POLA1: variants seen among roughly 807,000 people sequenced by gnomAD.
POLA1 encodes the protein DNA polymerase alpha catalytic subunit.
Under a neutral mutation model 124.0 loss-of-function variants are expected in POLA1, and 15 were observed. The ratio of observed to expected loss-of-function variants is 0.12; its 90% CI spans 0.08 to 0.19. The LOEUF is 0.19. Ranked by LOEUF, POLA1 falls within the 10% of genes least tolerant of loss-of-function variation. The pLI, the probability that POLA1 is intolerant of heterozygous loss-of-function variation, is 1.00. For synonymous variants in POLA1, 408 were observed against 389.4 expected, an observed-to-expected ratio of 1.05 and a Z score of -0.56; for missense variants, 886 against 1,103.4, an observed-to-expected ratio of 0.80 and a Z score of 2.79.
chrX:24,762,354 T>C (rs960996684), intron 26 of POLA1, among the ~76,000 whole-genome samples: 3 of 112,072 alleles, frequency 2.7e-5, no homozygotes, highest in Non-Finnish European at 5.6e-5. Context: ...AAATGGTCAA[T>C]GAATAATTAT....
At chrX:24,897,365 C>G (rs1419999045) in intron 35 of POLA1, among the ~76,000 whole-genome samples, 2 of 99,738 alleles carry the variant, frequency 2.0e-5, no homozygotes, top group African/African-American at 7.3e-5. Context: ...CTGCCCCCCC[C>G]CCCACCAACC....
chrX:24,724,297 CT>C (rs746477236), intron 11 of POLA1, 37 bp from the exon 12 acceptor site: 32 of 688,596 alleles, frequency 4.6e-5, no homozygotes, highest in Admixed American at 1.2e-4. Context: ...TGTACAGATA[CT>C]TTTTTTTCCC....
At position 24,896,308 on chromosome X, in the gene POLA1, T is replaced by C. The variant is rs781085747; in HGVS notation, c.4164+8186T>C. ...ATGATGCAGCCCCCAAAGTCAATAA[T>C]GTCAAGGTTGAGAAACTTTGGACTA... On this transcript the variant is annotated intron_variant, in intron 35 of 36. Coordinates refer to ENST00000379068, the MANE Select transcript of POLA1 (RefSeq NM_001330360.2). Among the ~76,000 whole-genome samples the C allele has an allele frequency of 2.7e-5, 3 of 111,839 alleles. No homozygotes were observed. The South Asian group carries it at 1.1e-3, about 42-fold the overall frequency.
intron 23 of POLA1, among the ~76,000 whole-genome samples, chrX:24,744,997 T>A (rs1931912650): frequency 1.5e-5 from 1 of 66,500 alleles, no homozygotes. Context: ...TGGTTTTATT[T>A]GGGGTGGGGG....
At chrX:24,860,698 C>A (rs1289122011) in intron 34 of POLA1, among the ~76,000 whole-genome samples, 2 of 112,587 alleles carry the variant, frequency 1.8e-5, no homozygotes, top group Non-Finnish European at 3.8e-5. Flanking sequence ...TTCTTTTTGT[C>A]AGACCATCAC....
In POLA1 at chrX:24,814,486, T is replaced by A. The variant is rs754487513; in HGVS notation, c.3297-493T>A. Reference sequence around the variant, plus strand: ...AGAAAAGTTTGAAATCTTTGTTTTTTAAAAAAATTTATGTAAAGGACTTCA... The same window carrying A: ...AGAAAAGTTTGAAATCTTTGTTTTTAAAAAAAATTTATGTAAAGGACTTCA... On this transcript the variant is annotated intron_variant, in intron 29 of 36. Coordinates refer to ENST00000379068, the MANE Select transcript of POLA1 (RefSeq NM_001330360.2). 2.0e-4 allele frequency among the ~76,000 whole-genome samples: 22 copies of A among 112,009 alleles called. No individual in the cohort carries two copies. The East Asian group carries it at 2.5e-3, about 13-fold the overall frequency.
Position 24,804,138 on chromosome X carries a change from G to C in POLA1, c.2965-5760G>C, listed in dbSNP as rs189596524. Among the ~76,000 whole-genome samples, 6 of 110,454 alleles carry C rather than the reference G, an allele frequency of 5.4e-5. No homozygotes were observed. The South Asian group carries it at 1.5e-3, about 28-fold the overall frequency. On this transcript the variant is annotated intron_variant, in intron 26 of 36. Coordinates refer to ENST00000379068, the MANE Select transcript of POLA1 (RefSeq NM_001330360.2). ...TATCACAGAAGTGTTAAGTAGTGAA[G>C]ACAGAAAGTACCATGCTTATTAAAT...
chrX:24,736,313 T>C (rs1350235383), intron 18 of POLA1, among the ~76,000 whole-genome samples: 1 of 111,939 alleles, frequency 8.9e-6, no homozygotes, highest in East Asian at 2.8e-4. Flanking sequence ...GGAAGCGATA[T>C]CTCTGCACCC....
Position 24,983,028 on chromosome X carries a change from A to C in POLA1, c.4262-12777A>C, listed in dbSNP as rs1186669558. ...TTTAACTGTATTGCATTAATAATAA[A>C]AGCAACTCAGACTTCTGGGCTGCCT... On this transcript the variant is annotated intron_variant, in intron 36 of 36. Coordinates refer to ENST00000379068, the MANE Select transcript of POLA1 (RefSeq NM_001330360.2). Among the ~76,000 whole-genome samples, 2 of 112,365 alleles carry C rather than the reference A, an allele frequency of 1.8e-5. 1 individual carries two copies. The highest frequency in any genetic ancestry group is 3.7e-5 in the Non-Finnish European group (2 of 53,351).
intron 35 of POLA1, among the ~76,000 whole-genome samples, chrX:24,921,260 T>TA (rs757083838): frequency 4.5e-4 from 51 of 112,416 alleles, no homozygotes; most frequent in Non-Finnish European, 8.6e-4. Context: ...GGCATATTGA[T>TA]AAAAATATTG....
rs370848887 is a variant in POLA1, at chrX:24,843,530, C to T, written c.3916-16C>T. ...CCTCACAGTAATTTTTTGTATACTT[C>T]TCCTGACTTATGTAGGGAACAGATA... is the stretch of plus-strand genomic sequence containing the variant. On this transcript the variant is annotated splice_polypyrimidine_tract_variant and intron_variant, in intron 33 of 36. Transcript: ENST00000379068. The T allele has an allele frequency of 6.1e-6, 7 of 1,154,954 alleles. No homozygotes were observed. The highest frequency in any genetic ancestry group is 8.1e-6 in the Non-Finnish European group (7 of 866,888).
At chrX:24,941,791 G>A (rs1353707563) in intron 36 of POLA1, among the ~76,000 whole-genome samples, 1 of 111,880 alleles carries the variant, frequency 8.9e-6, no homozygotes, top group Non-Finnish European at 1.9e-5. Flanking sequence ...CTGTATAAAG[G>A]CCCTGGGAAA....
chrX:24,882,148 C>A (rs2047010843), intron 34 of POLA1, among the ~76,000 whole-genome samples: 1 of 110,666 alleles, frequency 9.0e-6, no homozygotes, highest in Admixed American at 9.6e-5. Context: ...AAAGGAAAGA[C>A]CAGTGGACAA....
intron 35 of POLA1, among the ~76,000 whole-genome samples, chrX:24,911,404 A>G (rs1249248277): frequency 9.0e-6 from 1 of 111,428 alleles, no homozygotes. Flanking sequence ...TGTTAGAATC[A>G]GGTGAGTAAA....
At chrX:24,987,688 G>T (rs1262880198) in intron 36 of POLA1, among the ~76,000 whole-genome samples, 1 of 111,607 alleles carries the variant, frequency 9.0e-6, no homozygotes, top group Non-Finnish European at 1.9e-5. Flanking sequence ...AAGCAGGAAG[G>T]GAATGTTCCC....
At chrX:24,868,849 G>GT (rs1351898627) in intron 34 of POLA1, among the ~76,000 whole-genome samples, 1 of 112,085 alleles carries the variant, frequency 8.9e-6, no homozygotes, top group Non-Finnish European at 1.9e-5. Context: ...GGATAAAAAT[G>GT]TTTTAAACAT....
At chrX:24,792,228 TTTTTAATGGCATG>T (rs2045514971) in intron 26 of POLA1, among the ~76,000 whole-genome samples, 2 of 111,694 alleles carry the variant, frequency 1.8e-5, no homozygotes, top group African/African-American at 6.5e-5. Context: ...ACAAGGCTGC[TTTTTAATGGCATG>T]TTCTCCAAAC....
chrX:24,788,118 GATA>G (rs2045401254), intron 26 of POLA1, among the ~76,000 whole-genome samples: 1 of 111,854 alleles, frequency 8.9e-6, no homozygotes, highest in South Asian at 3.7e-4. Context: ...AAAATCATAT[GATA>G]ATCTCAATAG....
chrX:24,943,312 A>G (rs1396563603), intron 36 of POLA1, among the ~76,000 whole-genome samples: 1 of 112,488 alleles, frequency 8.9e-6, no homozygotes, highest in East Asian at 2.8e-4. Flanking sequence ...TTTTATTTAG[A>G]CAATAAAAAT....
Sources: gnomAD v4.1 joint callset for allele counts (sites outside exome capture counted in the v4.1 genomes callset) on GRCh38, gnomAD v4.1.1 for gene constraint, MANE v1.5 for transcripts, NCBI Gene and HGNC (gene_info 2026-07-23, HGNC 2026-07-21) for gene names.